Variants in STAT5B observed in about 807,000 individuals in gnomAD.
STAT5B encodes signal transducer and activator of transcription 5B.
In STAT5B, 21 loss-of-function variants were observed where a neutral mutation model predicts 107.8. That is an observed-to-expected ratio of 0.19 (90% CI 0.14 to 0.28). STAT5B has a LOEUF of 0.28. STAT5B is among the 10% of genes least tolerant of loss of function. STAT5B has a pLI of 1.00. For synonymous variants in STAT5B, 325 were observed against 401.7 expected (o/e 0.81, Z 2.28); for missense variants, 565 against 1,008.2 (o/e 0.56, Z 5.95).
intron 16 of STAT5B, 52 bp downstream of exon 16, chr17:42,207,506 C>CAA (rs1215185671): frequency 2.5e-6 from 4 of 1,592,746 alleles, no homozygotes; most frequent in Non-Finnish European, 3.4e-6. Flanking sequence ...CACACACACA[C>CAA]ACACACACAC....
At chr17:42,231,916 A>T (rs1244086489) in intron 2 of STAT5B, 84 bp downstream of exon 2, 2 of 1,585,266 alleles carry the variant, frequency 1.3e-6, no homozygotes, top group East Asian at 4.5e-5. Flanking sequence ...CAACTTTGAA[A>T]GTTGCCATCA....
intron 12 of STAT5B, among the ~76,000 whole-genome samples, chr17:42,213,907 C>T (rs993526758): frequency 6.7e-6 from 1 of 149,758 alleles, no homozygotes; most frequent in African/African-American, 2.5e-5. Context: ...TTTGGGAGGC[C>T]GAGGTGGGTG....
intron 16 of STAT5B, among the ~76,000 whole-genome samples, chr17:42,206,733 G>A (rs2080088290): frequency 6.6e-6 from 1 of 150,950 alleles, no homozygotes; most frequent in African/African-American, 2.4e-5. Context: ...GCGCCACCAT[G>A]CCAGGCTAAT....
chr17:42,283,077 T>C, the STAT5B span, among the ~76,000 whole-genome samples: 1 of 152,106 alleles, frequency 6.6e-6, no homozygotes, highest in African/African-American at 2.4e-5. Flanking sequence ...CTGGGAGGTG[T>C]CGTGGAAGAT....
chr17:42,214,543 C>G, intron 12 of STAT5B: 3 of 985,390 alleles, frequency 3.0e-6, no homozygotes, highest in Non-Finnish European at 3.6e-6. Context: ...TGGAAGGTAA[C>G]CCATGCTGTC....
chr17:42,282,236 T>C, the STAT5B span, among the ~76,000 whole-genome samples: 5 of 152,298 alleles, frequency 3.3e-5, no homozygotes, highest in South Asian at 1.0e-3. Flanking sequence ...AAGGGGCCTG[T>C]AATACAGATG....
intron 1 of STAT5B, among the ~76,000 whole-genome samples, chr17:42,259,263 A>T (rs2080573392): frequency 6.6e-6 from 1 of 152,076 alleles, no homozygotes; most frequent in African/African-American, 2.4e-5. Flanking sequence ...TGGCCTCCCA[A>T]AGTGTTGGGA....
intron 1 of STAT5B, among the ~76,000 whole-genome samples, chr17:42,252,542 C>T (rs2080508833): frequency 6.6e-6 from 1 of 152,052 alleles, no homozygotes; most frequent in East Asian, 1.9e-4. Context: ...TTTTTATAGA[C>T]CTCCATGTTA....
At chr17:42,245,073 A>ATT (rs745914040) in intron 1 of STAT5B, among the ~76,000 whole-genome samples, 28,742 of 105,152 alleles carry the variant, frequency 0.27, 4,368 homozygotes, top group South Asian at 0.37. Context: ...TGCCTGGCTA[A>ATT]TTTTTTTTTT....
Position 42,212,038 on chromosome 17 carries a change from G to A in STAT5B, c.1626C>T (p.Ser542=), listed in dbSNP as rs1420743708. Residue 542 remains serine, a synonymous_variant, in exon 13 of 19, where the codon AGC becomes AGT. Transcript: ENST00000293328. ...FLAQKLFNNS[S]SHLEDYSGLS... is the part of the protein sequence containing the mutation. Reference sequence around the variant, plus strand: ...GGCCACTGTAGTCCTCCAGGTGGCTGCTGCTGTTGTTGAACAGTTTCTGCG... The same window carrying A: ...GGCCACTGTAGTCCTCCAGGTGGCTACTGCTGTTGTTGAACAGTTTCTGCG... The A allele has an allele frequency of 1.2e-6, 2 of 1,614,060 alleles. No individual in the cohort carries two copies. Among genetic ancestry groups the A allele is most frequent in the Non-Finnish European group, 1.7e-6 (2 of 1,179,976 alleles).
chr17:42,205,773 G>A (rs1048943061), intron 16 of STAT5B, among the ~76,000 whole-genome samples: 6 of 152,102 alleles, frequency 3.9e-5, no homozygotes, highest in African/African-American at 1.4e-4. Context: ...ACCAGGATTG[G>A]TGGTGCATGC....
Position 42,219,585 on chromosome 17 carries a change from G to A in STAT5B, c.682-122C>T. The A allele has an allele frequency of 4.8e-6, 6 of 1,238,990 alleles. No individual in the cohort carries two copies. In the South Asian group the frequency reaches 5.8e-5, roughly 12 times the overall value. The allele number at this position is 1,238,990 out of a possible 1,614,324, so 76.7% of individuals were successfully genotyped here. ...TCCCCAAGCTGCTCTGCCTCGCAAG[G>A]CCCCCAGGAAAAAAGGCCTCCTGCC... On this transcript the variant is annotated intron_variant, in intron 6 of 18. Coordinates refer to ENST00000293328, the MANE Select transcript of STAT5B (RefSeq NM_012448.4).
chr17:42,209,550 A>C (rs1319271165), intron 15 of STAT5B, among the ~76,000 whole-genome samples: 2 of 152,140 alleles, frequency 1.3e-5, no homozygotes, highest in Admixed American at 1.3e-4. Flanking sequence ...CATACAAAAA[A>C]TTTAAAAATT....
intron 1 of STAT5B, among the ~76,000 whole-genome samples, chr17:42,240,583 C>T (rs752578598): frequency 6.6e-6 from 1 of 152,136 alleles, no homozygotes; most frequent in Non-Finnish European, 1.5e-5. Flanking sequence ...AATTGTATAA[C>T]TCTGAGAATA....
intron 1 of STAT5B, among the ~76,000 whole-genome samples, chr17:42,249,013 T>C (rs916277058): frequency 6.6e-6 from 1 of 152,176 alleles, no homozygotes; most frequent in African/African-American, 2.4e-5. Context: ...GTGGAAGTGT[T>C]AGGAAGGTGA....
chr17:42,207,737 A>G lies in STAT5B; in HGVS notation c.1907-9T>C, dbSNP rs2080097898. 6.2e-7 allele frequency: 1 copy of G among 1,614,080 alleles called. No homozygotes were observed. Among genetic ancestry groups the G allele is most frequent in the East Asian group, 2.2e-5 (1 of 44,890 alleles). On this transcript the variant is annotated splice_polypyrimidine_tract_variant and intron_variant, in intron 15 of 18. Transcript: ENST00000293328. ...CCAAAACATTCTTTCCTCTAGATCA[A>G]TAAACAGAACAATCACATTCTAAAC...
the STAT5B span, among the ~76,000 whole-genome samples, chr17:42,284,139 C>T: frequency 6.6e-6 from 1 of 152,124 alleles, no homozygotes; most frequent in African/African-American, 2.4e-5. Flanking sequence ...CACCTCCCTC[C>T]ACCCCCCAAG....
At chr17:42,260,227 A>T (rs1385165564) in intron 1 of STAT5B, among the ~76,000 whole-genome samples, 1 of 152,232 alleles carries the variant, frequency 6.6e-6, no homozygotes, top group Non-Finnish European at 1.5e-5. Context: ...GAACACCTTC[A>T]GTATGTGAAT....
chr17:42,221,721 A>G (rs2080227709), intron 5 of STAT5B, among the ~76,000 whole-genome samples: 1 of 152,236 alleles, frequency 6.6e-6, no homozygotes, highest in Non-Finnish European at 1.5e-5. Context: ...CATCCTGTCA[A>G]CCTTTACTCA....
Sources: allele counts gnomAD v4.1 joint callset (sites outside exome capture counted in the v4.1 genomes callset), GRCh38; gene constraint gnomAD v4.1.1; transcripts MANE v1.5; gene names NCBI Gene and HGNC (gene_info 2026-07-23, HGNC 2026-07-21).